The following TBC1D22B variants were observed in gnomAD, a reference collection of about 807,000 sequenced individuals.
The protein encoded by TBC1D22B is chromosome 6 open reading frame 197.
In TBC1D22B, 32 loss-of-function variants were observed where a neutral mutation model predicts 69.1. The ratio of observed to expected loss-of-function variants is 0.46; its 90% CI spans 0.35 to 0.62. The LOEUF is 0.62. Ranked by LOEUF, TBC1D22B falls within the 20% of genes least tolerant of loss-of-function variation. The pLI, the probability that TBC1D22B is intolerant of heterozygous loss-of-function variation, is 0.00. For synonymous variants in TBC1D22B, 206 were observed against 229.8 expected, an observed-to-expected ratio of 0.90 and a Z score of 0.94; for missense variants, 462 against 630.9, an observed-to-expected ratio of 0.73 and a Z score of 2.87.
In TBC1D22B at chr6:37,331,519, G is replaced by A. The variant is rs151184231; in HGVS notation, c.*347G>A. 78 of 174,388 alleles carry A rather than the reference G, an allele frequency of 4.5e-4. No individual in the cohort carries two copies. Among genetic ancestry groups the A allele is most frequent in the Non-Finnish European group, 8.5e-4 (70 of 82,768 alleles). 10.8% of individuals were successfully genotyped at this position (174,388 alleles called of 1,614,324 possible). On this transcript the variant is annotated 3_prime_UTR_variant, in exon 13 of 13. Transcript: ENST00000373491. ...CAAGGACAGGCCCCAACTGATAACC[G>A]TTGCTTTTTTTTTTTTGTGAACATA...
chr6:37,305,368 A>G (rs1388457708), intron 8 of TBC1D22B, among the ~76,000 whole-genome samples: 1 of 152,182 alleles, frequency 6.6e-6, no homozygotes, highest in Non-Finnish European at 1.5e-5. Context: ...TTTCCCCAAA[A>G]TAACCAGCAC....
chr6:37,304,545 T>G (rs1767653909), intron 8 of TBC1D22B, among the ~76,000 whole-genome samples: 1 of 152,226 alleles, frequency 6.6e-6, no homozygotes, highest in Admixed American at 6.5e-5. Context: ...ATATATTGTA[T>G]GATTCACATT....
rs1459496588 is a variant in TBC1D22B at position 37,326,654 on chromosome 6, G to A, written c.1390-4390G>A. Among the ~76,000 whole-genome samples the A allele has an allele frequency of 9.2e-5, 14 of 152,140 alleles. No homozygotes were observed. In the South Asian group the frequency reaches 2.7e-3, roughly 29 times the overall value. On this transcript the variant is annotated intron_variant, in intron 12 of 12. Coordinates refer to ENST00000373491, the MANE Select transcript of TBC1D22B (RefSeq NM_017772.4). ...TAAAAAACAATTAACCAGGCATGGT[G>A]GCTCATGCCTGTAGTCCCAGCTACT...
chr6:37,297,597 C>T (rs1286556250), intron 8 of TBC1D22B, among the ~76,000 whole-genome samples: 1 of 152,106 alleles, frequency 6.6e-6, no homozygotes, highest in Non-Finnish European at 1.5e-5. Context: ...AATCCTTGTC[C>T]TTGGACTTCT....
intron 1 of TBC1D22B, among the ~76,000 whole-genome samples, chr6:37,268,684 T>C (rs185612890): frequency 3.9e-5 from 6 of 152,348 alleles, no homozygotes; most frequent in African/African-American, 1.4e-4. Context: ...CTATATCCTT[T>C]TATGTCATTT....
chr6:37,269,655 G>T lies in TBC1D22B; in HGVS notation c.113+5G>T, dbSNP rs918183351. On this transcript the variant is annotated splice_donor_5th_base_variant and intron_variant, in intron 2 of 12. Coordinates refer to ENST00000373491, the MANE Select transcript of TBC1D22B (RefSeq NM_017772.4). Reference sequence around the variant, plus strand: ...TGACCCACGGCTCACCAAAAAGTAAGTCAAGACATTTTCGTTTTATCTATC... The same window carrying T: ...TGACCCACGGCTCACCAAAAAGTAATTCAAGACATTTTCGTTTTATCTATC... 3 of 1,614,108 alleles carry T rather than the reference G, an allele frequency of 1.9e-6. No individual in the cohort carries two copies. The highest frequency in any genetic ancestry group is 2.5e-6 in the Non-Finnish European group (3 of 1,179,974).
intron 5 of TBC1D22B, 82 bp from the exon 6 acceptor site, chr6:37,284,254 A>G: frequency 1.2e-6 from 2 of 1,602,958 alleles, no homozygotes; most frequent in Non-Finnish European, 1.7e-6. Context: ...GTAGTTTCCA[A>G]ACCACTGCAT....
chr6:37,286,933 A>G, intron 6 of TBC1D22B, 74 bp from the exon 7 acceptor site: 1 of 1,361,892 alleles, frequency 7.3e-7, no homozygotes, highest in Non-Finnish European at 1.0e-6. Flanking sequence ...GACAAGAGCG[A>G]GACTTCATCT....
chr6:37,271,851 T>C (rs76371447), intron 2 of TBC1D22B, among the ~76,000 whole-genome samples: 2 of 4,882 alleles, frequency 4.1e-4, no homozygotes, highest in East Asian at 0.026. Context: ...GGTGCATGCT[T>C]TTTTTTTTTT....
At chr6:37,287,170 C>A in intron 7 of TBC1D22B, 98 bp downstream of exon 7, 1 of 873,332 alleles carries the variant, frequency 1.1e-6, no homozygotes, top group South Asian at 1.8e-5. Context: ...ACCTTATGTT[C>A]ATATATGCAG....
chr6:37,261,145 AT>A (rs1382917761), intron 1 of TBC1D22B, among the ~76,000 whole-genome samples: 1 of 152,142 alleles, frequency 6.6e-6, no homozygotes, highest in African/African-American at 2.4e-5. Flanking sequence ...AATCTCTACC[AT>A]TGCAGGCTTT....
chr6:37,326,067 T>C (rs1163370606), intron 12 of TBC1D22B, among the ~76,000 whole-genome samples: 1 of 152,128 alleles, frequency 6.6e-6, no homozygotes, highest in African/African-American at 2.4e-5. Context: ...TTGGAAATTA[T>C]AGGTAGATCT....
chr6:37,293,023 T>G (rs950286790), intron 8 of TBC1D22B, among the ~76,000 whole-genome samples: 2 of 152,142 alleles, frequency 1.3e-5, no homozygotes, highest in Non-Finnish European at 2.9e-5. Context: ...TGTGTCTCTG[T>G]GTCACATTCT....
At chr6:37,275,793 T>C (rs563294381) in intron 2 of TBC1D22B, among the ~76,000 whole-genome samples, 15 of 152,186 alleles carry the variant, frequency 9.9e-5, no homozygotes, top group Non-Finnish European at 2.1e-4. Flanking sequence ...TATTTGTGAA[T>C]TTATGTATCT....
In TBC1D22B at chr6:37,284,471, T is replaced by G. The variant is rs1467339061; in HGVS notation, c.801+7T>G. The G allele has an allele frequency of 6.4e-7, 1 of 1,561,950 alleles. No individual in the cohort carries two copies. ...CCAGGATACCTACAGACAGGTACAGTCACCACCTGCTGCCTCTTTGCTTAC... is the reference window on the plus strand; with the variant it reads ...CCAGGATACCTACAGACAGGTACAGGCACCACCTGCTGCCTCTTTGCTTAC... On this transcript the variant is annotated splice_region_variant and intron_variant, in intron 6 of 12. Coordinates refer to ENST00000373491, the MANE Select transcript of TBC1D22B (RefSeq NM_017772.4).
In TBC1D22B at chr6:37,329,415, G is replaced by A. The variant is rs77816518; in HGVS notation, c.1390-1629G>A. On this transcript the variant is annotated intron_variant, in intron 12 of 12. Coordinates refer to ENST00000373491, the MANE Select transcript of TBC1D22B (RefSeq NM_017772.4). ...TCCCATATTGCCAGACGCTTTTCTAGTATCCTTTCTCCACTATTTGAAGCA... is the reference window on the plus strand; with the variant it reads ...TCCCATATTGCCAGACGCTTTTCTAATATCCTTTCTCCACTATTTGAAGCA... 6.8e-3 allele frequency among the ~76,000 whole-genome samples: 1,037 copies of A among 152,242 alleles called. 12 individuals are homozygous for A. The highest frequency in any genetic ancestry group is 0.022 in the African/African-American group (924 of 41,534).
chr6:37,291,704 G>C (rs1012486795), intron 8 of TBC1D22B, among the ~76,000 whole-genome samples: 14 of 152,304 alleles, frequency 9.2e-5, no homozygotes, highest in Middle Eastern at 6.8e-3. Flanking sequence ...TGGACATCAA[G>C]CCTGCACACT....
At chr6:37,268,019 G>T (rs1279940474) in intron 1 of TBC1D22B, among the ~76,000 whole-genome samples, 1 of 152,110 alleles carries the variant, frequency 6.6e-6, no homozygotes, top group Non-Finnish European at 1.5e-5. Context: ...CATAAGGTTG[G>T]ATCTGTTCAG....
At chr6:37,274,912 C>T (rs551785072) in intron 2 of TBC1D22B, among the ~76,000 whole-genome samples, 1 of 152,204 alleles carries the variant, frequency 6.6e-6, no homozygotes, top group African/African-American at 2.4e-5. Flanking sequence ...ATTAGCTGGG[C>T]GTAGTGGCAT....
Sources: gnomAD v4.1 joint callset for allele counts (sites outside exome capture counted in the v4.1 genomes callset) on GRCh38, gnomAD v4.1.1 for gene constraint, MANE v1.5 for transcripts, NCBI Gene and HGNC (gene_info 2026-07-23, HGNC 2026-07-21) for gene names.